The following PAWR variants were observed in gnomAD, a reference collection of about 807,000 sequenced individuals.
The protein encoded by PAWR is PRKC apoptosis WT1 regulator protein.
A neutral mutation model predicts 32.0 loss-of-function variants in PAWR; 23 were observed. The ratio of observed to expected loss-of-function variants is 0.72; its 90% CI spans 0.52 to 1.02. The LOEUF is 1.02. Among genes scored for constraint, PAWR ranks in the 50% least tolerant of loss-of-function variants. The pLI is 0.00. For missense variants in PAWR, 457 were observed against 437.7 expected (o/e 1.04, Z -0.39); for synonymous variants, 226 against 187.1 (o/e 1.21, Z -1.70).
chr12:79,594,492 T>G lies in PAWR; in HGVS notation c.832-59A>C, dbSNP rs1244256099. ...AGTAATTGTTTATTTATAATCTTCCTAAGTGGCATATATCTCCCCAATTTG... is the reference window on the plus strand; with the variant it reads ...AGTAATTGTTTATTTATAATCTTCCGAAGTGGCATATATCTCCCCAATTTG... On this transcript the variant is annotated intron_variant, in intron 5 of 6. Transcript: ENST00000328827. 10 of 796,444 alleles carry G rather than the reference T, an allele frequency of 1.3e-5. No individual in the cohort carries two copies. The East Asian group carries it at 2.6e-4, about 21-fold the overall frequency. 49.3% of individuals were successfully genotyped at this position (796,444 alleles called of 1,614,324 possible). A position where few individuals can be genotyped will look rare whatever the true frequency, so the allele number is the denominator to read the frequency against.
chr12:79,671,029 C>T (rs1309218177), intron 2 of PAWR, among the ~76,000 whole-genome samples: 1 of 150,770 alleles, frequency 6.6e-6, no homozygotes, highest in African/African-American at 2.4e-5. Context: ...TAGCACGAAC[C>T]TCTAGTCCCA....
rs1592485067 is a variant in PAWR, at chr12:79,589,983, G to A, written c.*2624C>T. On this transcript the variant is annotated 3_prime_UTR_variant, in exon 7 of 7. Coordinates refer to ENST00000328827, the MANE Select transcript of PAWR (RefSeq NM_002583.4). ...TTTTTATAAATTTTCAGGTGAAACT[G>A]TAGCAGATCCTACTTTATTTTTCAA... 1.3e-5 allele frequency: 2 copies of A among 152,102 alleles called. No homozygotes were observed. The allele number at this position is 152,102 out of a possible 1,614,324, so 9.4% of individuals were successfully genotyped here.
chr12:79,672,439 C>G (rs1877949902), intron 2 of PAWR, among the ~76,000 whole-genome samples: 2 of 152,174 alleles, frequency 1.3e-5, no homozygotes, highest in South Asian at 2.1e-4. Flanking sequence ...TCCCCACAAT[C>G]TCTTCCGATT....
chr12:79,603,667 A>ATTTTTT (rs899732732), intron 4 of PAWR: 2 of 97,896 alleles, frequency 2.0e-5, no homozygotes, highest in Non-Finnish European at 2.0e-5. Flanking sequence ...TCATTATGCT[A>ATTTTTT]TTTTTTTTTT....
Position 79,689,939 on chromosome 12 carries a change from G to A in PAWR, c.306C>T (p.Ala102=). The A allele has an allele frequency of 1.4e-6, 2 of 1,405,626 alleles. No individual in the cohort carries two copies. Among genetic ancestry groups the A allele is most frequent in the Non-Finnish European group, 1.8e-6 (2 of 1,086,480 alleles). 87.1% of individuals were successfully genotyped at this position (1,405,626 alleles called of 1,614,324 possible). A position where few individuals can be genotyped will look rare whatever the true frequency, so the allele number is the denominator to read the frequency against. ...CGTCCTCCGACCGCCGCGGGCCGGG[G>A]GCCGCCCGCGTCAGCATGGCGGAGC... ...AVGSAMLTRA[A]PGPRRSEDEP... is the part of the protein sequence containing the mutation. Residue 102 remains alanine, a synonymous_variant, in exon 2 of 7, where the codon GCC becomes GCT. Transcript: ENST00000328827.
chr12:79,666,602 G>C (rs917486714), intron 2 of PAWR, among the ~76,000 whole-genome samples: 2 of 152,174 alleles, frequency 1.3e-5, no homozygotes, highest in African/African-American at 2.4e-5. Context: ...GGATGAAGCA[G>C]ATAGGAGAAA....
intron 2 of PAWR, among the ~76,000 whole-genome samples, chr12:79,667,097 C>T (rs1040594623): frequency 2.0e-5 from 3 of 152,194 alleles, no homozygotes; most frequent in African/African-American, 7.2e-5. Context: ...CAAAACCAAA[C>T]TGTGCCCCGA....
chr12:79,663,577 GC>G (rs1310319704), intron 2 of PAWR, among the ~76,000 whole-genome samples: 1 of 152,070 alleles, frequency 6.6e-6, no homozygotes, highest in Non-Finnish European at 1.5e-5. Flanking sequence ...GGGCAACATG[GC>G]AAAACCCCAG....
At chr12:79,650,714 T>TAAAAA (rs34166197) in intron 2 of PAWR, among the ~76,000 whole-genome samples, 4 of 113,074 alleles carry the variant, frequency 3.5e-5, no homozygotes, top group Admixed American at 9.6e-5. Flanking sequence ...TAAAGGTTAT[T>TAAAAA]AAAAAAAAAA....
intron 2 of PAWR, among the ~76,000 whole-genome samples, chr12:79,621,546 C>A (rs1875016084): frequency 6.6e-6 from 1 of 151,204 alleles, no homozygotes; most frequent in Non-Finnish European, 1.5e-5. Flanking sequence ...CAGAAGGTAA[C>A]AAAGGATGCA....
At chr12:79,671,681 T>C (rs1014941408) in intron 2 of PAWR, among the ~76,000 whole-genome samples, 3 of 151,700 alleles carry the variant, frequency 2.0e-5, no homozygotes, top group African/African-American at 7.2e-5. Flanking sequence ...TTATGATAAT[T>C]AAATAAGCTT....
intron 2 of PAWR, among the ~76,000 whole-genome samples, chr12:79,664,261 A>G (rs1325257878): frequency 2.0e-5 from 3 of 152,180 alleles, no homozygotes; most frequent in Non-Finnish European, 4.4e-5. Flanking sequence ...TCATTACTCA[A>G]AAAGATCTGG....
intron 2 of PAWR, among the ~76,000 whole-genome samples, chr12:79,626,570 T>G (rs1048204861): frequency 1.3e-5 from 2 of 150,782 alleles, no homozygotes; most frequent in African/African-American, 4.9e-5. Flanking sequence ...AATGACAACT[T>G]TTTTTTTCCT....
intron 2 of PAWR, among the ~76,000 whole-genome samples, chr12:79,632,361 A>AATTTT (rs1875744410): frequency 4.9e-5 from 1 of 20,606 alleles, no homozygotes; most frequent in Non-Finnish European, 7.7e-5. Flanking sequence ...ATATATATAT[A>AATTTT]TTTTTTTTTT....
intron 2 of PAWR, among the ~76,000 whole-genome samples, chr12:79,684,617 C>CA (rs1293762138): frequency 2.2e-4 from 30 of 136,626 alleles, no homozygotes; most frequent in East Asian, 1.7e-3. Flanking sequence ...GACTCCACCT[C>CA]AAAAAAAAAA....
chr12:79,641,558 CAT>C (rs1410414036), intron 2 of PAWR, among the ~76,000 whole-genome samples: 1 of 151,978 alleles, frequency 6.6e-6, no homozygotes, highest in Non-Finnish European at 1.5e-5. Flanking sequence ...TTAAGAAAGT[CAT>C]ATGATTGGCC....
intron 2 of PAWR, among the ~76,000 whole-genome samples, chr12:79,684,306 A>G (rs1001215674): frequency 6.6e-6 from 1 of 152,182 alleles, no homozygotes; most frequent in Non-Finnish European, 1.5e-5. Context: ...AAAAAAATGC[A>G]GAAATAATAA....
At chr12:79,665,051 C>G (rs1877538855) in intron 2 of PAWR, among the ~76,000 whole-genome samples, 1 of 151,912 alleles carries the variant, frequency 6.6e-6, no homozygotes, top group Non-Finnish European at 1.5e-5. Flanking sequence ...TACTATGTAC[C>G]TCCAATAATA....
intron 2 of PAWR, among the ~76,000 whole-genome samples, chr12:79,637,273 T>C (rs1408795714): frequency 6.6e-6 from 1 of 152,134 alleles, no homozygotes; most frequent in African/African-American, 2.4e-5. Flanking sequence ...TGAGTTACTA[T>C]AACCATGAAA....
Sources: allele counts gnomAD v4.1 joint callset (sites outside exome capture counted in the v4.1 genomes callset), GRCh38; gene constraint gnomAD v4.1.1; transcripts MANE v1.5; gene names NCBI Gene and HGNC (gene_info 2026-07-23, HGNC 2026-07-21).